BEND3: variants seen among roughly 807,000 people sequenced by gnomAD.
The protein encoded by BEND3 is BEN domain containing 3, also known as BEN domain-containing protein 3.
A neutral mutation model predicts 60.1 loss-of-function variants in BEND3; 13 were observed. That is an observed-to-expected ratio of 0.22 (90% CI 0.14 to 0.34). The LOEUF (loss-of-function observed/expected upper bound fraction) is 0.34. Ranked by LOEUF, BEND3 falls within the 10% of genes least tolerant of loss-of-function variation. BEND3 has a pLI of 1.00. For missense variants in BEND3, 896 were observed against 1,138.1 expected (o/e 0.79, Z 3.06); for synonymous variants, 497 against 491.5 (o/e 1.01, Z -0.15).
At chr6:107,078,557 C>G (rs1554233049) in intron 3 of BEND3, among the ~76,000 whole-genome samples, 1 of 11,498 alleles carries the variant, frequency 8.7e-5, no homozygotes, top group African/African-American at 3.6e-4. Flanking sequence ...TGGGTTCATG[C>G]CATTCTCCTG....
chr6:107,088,105 G>A (rs1775396173), intron 3 of BEND3, among the ~76,000 whole-genome samples: 1 of 151,040 alleles, frequency 6.6e-6, no homozygotes, highest in Admixed American at 6.6e-5. Flanking sequence ...CAAACTACTG[G>A]CCTCAAGCAA....
chr6:107,111,917 T>A (rs545787544), intron 1 of BEND3, among the ~76,000 whole-genome samples: 5 of 149,910 alleles, frequency 3.3e-5, no homozygotes, highest in African/African-American at 1.2e-4. Flanking sequence ...AGGAGATGGA[T>A]GTTGCAGTGG....
At chr6:107,072,587 A>G (rs1245428905) in intron 3 of BEND3, among the ~76,000 whole-genome samples, 3 of 152,246 alleles carry the variant, frequency 2.0e-5, no homozygotes, top group Non-Finnish European at 2.9e-5. Context: ...CAAGTGAGCT[A>G]TATGAGGCTG....
intron 3 of BEND3, among the ~76,000 whole-genome samples, chr6:107,094,971 C>A (rs924491191): frequency 3.9e-5 from 6 of 152,024 alleles, no homozygotes; most frequent in Non-Finnish European, 8.8e-5. Context: ...CAGGTGTGTG[C>A]CACCACGCCT....
At position 107,084,234 on chromosome 6, in the gene BEND3, T is replaced by C. The variant is rs191455918; in HGVS notation, c.241-13284A>G. Among the ~76,000 whole-genome samples, 8 of 152,340 alleles carry C rather than the reference T, an allele frequency of 5.3e-5. No homozygotes were observed. The East Asian group carries it at 7.7e-4, about 15-fold the overall frequency. On this transcript the variant is annotated intron_variant, in intron 3 of 3. Coordinates refer to ENST00000369042, the MANE Select transcript of BEND3 (RefSeq NM_001367314.1). Reference sequence around the variant, plus strand: ...AGCACTAGGGCAGGGAAACCTGAACTGCAACTGAGGAATTGCTGGAGACGC... The same window carrying C: ...AGCACTAGGGCAGGGAAACCTGAACCGCAACTGAGGAATTGCTGGAGACGC...
chr6:107,069,751 G>T lies in BEND3; in HGVS notation c.1440C>A (p.Leu480=), dbSNP rs75435915. ...QQCAQRINDE[L]EGLGLDAGSE... ...TGCCCGCGTCCAGCCCCAGGCCCTCGAGCTCGTCGTTGATGCGCTGGGCAC... is the reference window on the plus strand; with the variant it reads ...TGCCCGCGTCCAGCCCCAGGCCCTCTAGCTCGTCGTTGATGCGCTGGGCAC... The change falls in exon 4 of 4, where the codon CTC becomes CTA. Residue 480 remains leucine (L), a synonymous_variant. Coordinates refer to ENST00000369042, the MANE Select transcript of BEND3 (RefSeq NM_001367314.1). The T allele has an allele frequency of 1.2e-6, 2 of 1,612,232 alleles. No individual in the cohort carries two copies. The highest frequency in any genetic ancestry group is 1.3e-5 in the African/African-American group (1 of 74,900).
Position 107,099,314 on chromosome 6 carries a change from G to T in BEND3, c.-11-18C>A, listed in dbSNP as rs145753728. Reference sequence around the variant, plus strand: ...CTATTCCGCTAAATAAAAAGACAAAGACAATGTGTTGACTTATTGCTTGAT... The same window carrying T: ...CTATTCCGCTAAATAAAAAGACAAATACAATGTGTTGACTTATTGCTTGAT... On this transcript the variant is annotated intron_variant, in intron 1 of 3. Coordinates refer to ENST00000369042, the MANE Select transcript of BEND3 (RefSeq NM_001367314.1). The T allele has an allele frequency of 3.8e-6, 6 of 1,592,696 alleles. No homozygotes were observed. The South Asian group carries it at 5.6e-5, about 15-fold the overall frequency.
intron 3 of BEND3, among the ~76,000 whole-genome samples, chr6:107,086,351 G>C (rs968237786): frequency 6.6e-6 from 1 of 152,042 alleles, no homozygotes; most frequent in Non-Finnish European, 1.5e-5. Flanking sequence ...CTGGCCAGGC[G>C]CATGTTGGTA....
chr6:107,113,061 G>A (rs1223104314), intron 1 of BEND3, among the ~76,000 whole-genome samples: 13 of 152,046 alleles, frequency 8.6e-5, no homozygotes, highest in Admixed American at 8.5e-4. Context: ...GGGAGGCTGT[G>A]GCAGGAAAAT....
intron 3 of BEND3, among the ~76,000 whole-genome samples, chr6:107,075,026 G>A (rs781890247): frequency 6.6e-5 from 10 of 152,062 alleles, no homozygotes; most frequent in East Asian, 3.9e-4. Flanking sequence ...ACTTGAACCC[G>A]GGAGGCGGAG....
At chr6:107,109,985 C>T (rs1398028871) in intron 1 of BEND3, among the ~76,000 whole-genome samples, 4 of 148,274 alleles carry the variant, frequency 2.7e-5, no homozygotes, top group Non-Finnish European at 5.9e-5. Context: ...GAGCTGTGAT[C>T]GTGCCACTGC....
At chr6:107,080,365 A>G (rs1329245435) in intron 3 of BEND3, among the ~76,000 whole-genome samples, 6 of 149,604 alleles carry the variant, frequency 4.0e-5, no homozygotes, top group African/African-American at 1.5e-4. Context: ...AAAAAAAAAA[A>G]AAAAAAAAAA....
intron 1 of BEND3, among the ~76,000 whole-genome samples, 166 bp from the exon 2 acceptor site, chr6:107,099,462 A>C (rs1477979825): frequency 2.0e-5 from 3 of 152,212 alleles, no homozygotes; most frequent in Admixed American, 2.0e-4. Flanking sequence ...GCAGACACTC[A>C]GGAGCAGCCA....
At position 107,069,159 on chromosome 6, in the gene BEND3, C is replaced by T. The variant is rs782388171; in HGVS notation, c.2032G>A (p.Glu678Lys). Residue 678 changes from glutamate to lysine, a missense_variant, in exon 4 of 4, where the codon GAG (glutamate) becomes AAG (lysine). This residue lies in a region of BEND3 where 846 missense variants were observed against 1,036.7 expected (regional missense o/e 0.82). Transcript: ENST00000369042. ...CCCTCAAACTCCTCCCGGAACCTCT[C>T]GGGGTTGATTGCATAGCTGGTCAAG... is the stretch of plus-strand genomic sequence containing the variant. Reference protein sequence around the residue: ...RDLTSYAINPERFREEFEGPP... With the variant: ...RDLTSYAINPKRFREEFEGPP... 3.1e-6 allele frequency: 5 copies of T among 1,612,530 alleles called. No homozygotes were observed. The highest frequency in any genetic ancestry group is 2.7e-5 in the African/African-American group (2 of 74,928).
Position 107,069,358 on chromosome 6 carries a change from G to C in BEND3, c.1833C>G (p.Ile611Met), listed in dbSNP as rs1774907363. ...LGKKQLDPSR[I>M]KLIRHYVQLL... ...GCTGCACGTAGTGGCGGATGAGCTT[G>C]ATGCGGGAGGGGTCCAGCTGCTTCT... Residue 611 changes from isoleucine to methionine, a missense_variant, in exon 4 of 4, where the codon ATC becomes ATG. By Grantham distance (10) the Ile-to-Met change is conservative. Around this residue, in one of 4 missense-constraint regions of BEND3, gnomAD observed 846 missense variants for 1,036.7 expected, o/e 0.82. Transcript: ENST00000369042. 2 of 1,612,744 alleles carry C rather than the reference G, an allele frequency of 1.2e-6. No individual in the cohort carries two copies. The highest frequency in any genetic ancestry group is 1.7e-4 in the Middle Eastern group (1 of 6,058).
At chr6:107,103,385 T>G (rs1554236949) in intron 1 of BEND3, among the ~76,000 whole-genome samples, 1 of 152,162 alleles carries the variant, frequency 6.6e-6, no homozygotes, top group African/African-American at 2.4e-5. Context: ...CCTACCTGAC[T>G]ATAGGCTACG....
Position 107,069,782 on chromosome 6 carries a change from T to C in BEND3, c.1409A>G (p.Gln470Arg). 6.2e-7 allele frequency: 1 copy of C among 1,613,154 alleles called. No individual in the cohort carries two copies. Among genetic ancestry groups the C allele is most frequent in the Non-Finnish European group, 8.5e-7 (1 of 1,180,012 alleles). ...GTCGTTGATGCGCTGGGCACACTGC[T>C]GCAGCCAGGCCTCCTCCTCCTGCAT... ...PDMQEEEAWLQQCAQRINDEL... is the reference protein window; with the variant it reads ...PDMQEEEAWLRQCAQRINDEL... The change falls in exon 4 of 4, where the codon CAG (glutamine) becomes CGG (arginine). Residue 470 changes from glutamine to arginine, a missense_variant. By Grantham distance (43) the Gln-to-Arg change is conservative (BLOSUM62 1). This residue lies in a region of BEND3 where 846 missense variants were observed against 1,036.7 expected (regional missense o/e 0.82). Transcript: ENST00000369042.
At chr6:107,106,398 T>C (rs1582672656) in intron 1 of BEND3, among the ~76,000 whole-genome samples, 3 of 152,170 alleles carry the variant, frequency 2.0e-5, no homozygotes, top group Non-Finnish European at 2.9e-5. Flanking sequence ...AAGCTGGGAC[T>C]GAGGAATGGG....
At chr6:107,105,303 A>G (rs547629637) in intron 1 of BEND3, among the ~76,000 whole-genome samples, 95 of 151,392 alleles carry the variant, frequency 6.3e-4, no homozygotes, top group African/African-American at 2.3e-3. Flanking sequence ...CCTGGGAGAC[A>G]GAGGTTGCAG....
Sources: gnomAD v4.1 joint callset for allele counts (sites outside exome capture counted in the v4.1 genomes callset) on GRCh38, gnomAD v4.1.1 for gene constraint, gnomAD v4.1.1 regional missense constraint, MANE v1.5 for transcripts, NCBI Gene and HGNC (gene_info 2026-07-23, HGNC 2026-07-21) for gene names.